ITGB6: variants seen among roughly 807,000 people sequenced by gnomAD.
The protein encoded by ITGB6 is integrin beta-6.
Under a neutral mutation model 84.5 loss-of-function variants are expected in ITGB6, and 80 were observed. That is an observed-to-expected ratio of 0.95 (90% CI 0.79 to 1.14). The LOEUF (loss-of-function observed/expected upper bound fraction) is 1.14. Ranked by LOEUF, ITGB6 falls within the 50% of genes most tolerant of loss-of-function variation. The pLI is 0.00. For synonymous variants in ITGB6, 383 were observed against 354.9 expected (o/e 1.08, Z -0.89); for missense variants, 1,006 against 968.0 (o/e 1.04, Z -0.52).
chr2:160,116,330 A>C (rs1479335204), intron 12 of ITGB6, among the ~76,000 whole-genome samples: 1 of 150,250 alleles, frequency 6.7e-6, no homozygotes, highest in Admixed American at 6.6e-5. Context: ...GAAACTCTAC[A>C]AGCCAGAAGA....
chr2:160,180,000 C>T (rs1271019900), intron 4 of ITGB6, among the ~76,000 whole-genome samples: 1 of 148,764 alleles, frequency 6.7e-6, no homozygotes, highest in Non-Finnish European at 1.5e-5. Context: ...GTAATCCCAG[C>T]TACTTGGGAG....
At chr2:160,194,652 C>A (rs141568835) in intron 4 of ITGB6, among the ~76,000 whole-genome samples, 1,719 of 152,200 alleles carry the variant, frequency 0.011, 36 homozygotes, top group Admixed American at 0.031. Flanking sequence ...ACCTTCCACA[C>A]GAGATCTGGC....
chr2:160,120,589 G>C (rs1682985956), intron 12 of ITGB6, among the ~76,000 whole-genome samples: 1 of 57,424 alleles, frequency 1.7e-5, no homozygotes, highest in Non-Finnish European at 3.6e-5. Context: ...AGTGGGTGCA[G>C]CGCACCAGCA....
At chr2:160,136,249 C>T (rs1348165661) in intron 10 of ITGB6, among the ~76,000 whole-genome samples, 1 of 152,166 alleles carries the variant, frequency 6.6e-6, no homozygotes, top group Non-Finnish European at 1.5e-5. Context: ...AGGATATGAA[C>T]AGACACTTCT....
intron 10 of ITGB6, among the ~76,000 whole-genome samples, chr2:160,131,175 T>A (rs935802325): frequency 2.8e-5 from 4 of 145,440 alleles, no homozygotes; most frequent in Admixed American, 2.2e-4. Flanking sequence ...GAGGGATAGA[T>A]CTTTCTGGAA....
intron 13 of ITGB6, among the ~76,000 whole-genome samples, chr2:160,110,061 C>A (rs1253234976): frequency 1.3e-5 from 2 of 152,152 alleles, no homozygotes; most frequent in East Asian, 3.8e-4. Flanking sequence ...GTTTGCCTAA[C>A]AGTTCTGTCG....
chr2:160,137,449 C>T lies in ITGB6; in HGVS notation c.1645G>A (p.Gly549Arg), dbSNP rs1239402477. 1.9e-6 allele frequency: 3 copies of T among 1,610,986 alleles called. No individual in the cohort carries two copies. The highest frequency in any genetic ancestry group is 1.1e-5 in the South Asian group (1 of 90,838). The change falls in exon 10 of 15, where the codon GGG becomes AGG. Residue 549 changes from glycine (G) to arginine (R), a missense_variant. Transcript: ENST00000283249. ...CDNFSCVRHK[G>R]LLCGGNGDCD... The stretch of plus-strand genomic sequence containing the variant: ...CATAGCCTACCTCCGCAGAGCAGCC[C>T]TTTGTGTCTCACGCAGGAGAAATTG...
chr2:160,101,543 A>G lies in ITGB6; in HGVS notation c.*193T>C. The G allele has an allele frequency of 5.3e-6, 3 of 562,618 alleles. No homozygotes were observed. Among genetic ancestry groups the G allele is most frequent in the Non-Finnish European group, 9.3e-6 (3 of 321,180 alleles). 34.9% of individuals were successfully genotyped at this position (562,618 alleles called of 1,614,324 possible). The stretch of plus-strand genomic sequence containing the variant: ...TGATCCCCAAAGTCATCTCTTTGCT[A>G]AGGATATTTCTCTTCTTGATTATTT... On this transcript the variant is annotated 3_prime_UTR_variant, in exon 15 of 15. Transcript: ENST00000283249.
intron 4 of ITGB6, among the ~76,000 whole-genome samples, chr2:160,186,981 G>C (rs888439187): frequency 1.3e-5 from 2 of 151,986 alleles, no homozygotes; most frequent in Non-Finnish European, 2.9e-5. Flanking sequence ...GGGAGGCTAG[G>C]GGGAGGGATA....
In ITGB6 at chr2:160,195,601, G is replaced by A. The variant is rs865813989; in HGVS notation, c.361C>T (p.Leu121=). The A allele has an allele frequency of 7.4e-6, 12 of 1,614,016 alleles. No individual in the cohort carries two copies. In the Middle Eastern group the frequency reaches 5.0e-4, roughly 67 times the overall value. ...TCAGTCTGGCGGACATGCACCTGCA[G>A]AGTCTGCGCACCACCTGCAAAGCCC... ...LKLRPGGAQT[L]QVHVRQTEDY... is the part of the protein sequence containing the mutation. Residue 121 remains leucine, a synonymous_variant, in exon 4 of 15, where the codon CTG becomes TTG. Coordinates refer to ENST00000283249, the MANE Select transcript of ITGB6 (RefSeq NM_000888.5).
intron 13 of ITGB6, among the ~76,000 whole-genome samples, chr2:160,111,599 G>GTTTTTTTT (rs35948673): frequency 1.5e-5 from 2 of 134,540 alleles, no homozygotes; most frequent in African/African-American, 2.8e-5. Context: ...CATCTTAGCT[G>GTTTTTTTT]TTTTTTTTTT....
At chr2:160,105,987 A>G (rs1341647144) in intron 14 of ITGB6, among the ~76,000 whole-genome samples, 1 of 152,194 alleles carries the variant, frequency 6.6e-6, no homozygotes, top group African/African-American at 2.4e-5. Flanking sequence ...CATCGCTCAG[A>G]TTCCACAGTT....
intron 4 of ITGB6, among the ~76,000 whole-genome samples, chr2:160,190,644 T>G (rs1686107596): frequency 1.3e-5 from 2 of 152,164 alleles, no homozygotes; most frequent in African/African-American, 2.4e-5. Context: ...CTCAGTAAAT[T>G]TTTGTTGAAC....
chr2:160,110,212 A>G (rs531333583), intron 13 of ITGB6, among the ~76,000 whole-genome samples: 45 of 152,270 alleles, frequency 3.0e-4, no homozygotes, highest in African/African-American at 9.6e-4. Flanking sequence ...TCTGGCACGT[A>G]ATTACTGCCA....
chr2:160,124,691 A>G (rs182454309), intron 11 of ITGB6, among the ~76,000 whole-genome samples: 1 of 152,278 alleles, frequency 6.6e-6, no homozygotes, highest in East Asian at 1.9e-4. Flanking sequence ...TCCTCTGGCC[A>G]TGGAAATGTA....
intron 7 of ITGB6, among the ~76,000 whole-genome samples, chr2:160,157,984 T>C (rs938141803): frequency 6.6e-6 from 1 of 152,116 alleles, no homozygotes; most frequent in African/African-American, 2.4e-5. Flanking sequence ...TATCAGTAAA[T>C]GCAGGGCTTC....
intron 4 of ITGB6, among the ~76,000 whole-genome samples, chr2:160,188,611 T>TG (rs1473447206): frequency 6.6e-6 from 1 of 152,014 alleles, no homozygotes; most frequent in Non-Finnish European, 1.5e-5. Flanking sequence ...CAATTCTTTT[T>TG]TTTTTTTTGT....
intron 13 of ITGB6, among the ~76,000 whole-genome samples, chr2:160,108,904 T>C (rs1697012514): frequency 6.6e-6 from 1 of 152,212 alleles, no homozygotes; most frequent in Non-Finnish European, 1.5e-5. Context: ...CATTTCTTAA[T>C]GAAACATTAT....
rs1696722933 is a variant in ITGB6 at position 160,101,631 on chromosome 2, T to C, written c.*105A>G. 2.8e-6 allele frequency: 2 copies of C among 715,248 alleles called. No homozygotes were observed. The highest frequency in any genetic ancestry group is 4.6e-5 in the Admixed American group (2 of 43,436). The allele number at this position is 715,248 out of a possible 1,614,324, so 44.3% of individuals were successfully genotyped here. On this transcript the variant is annotated 3_prime_UTR_variant, in exon 15 of 15. Transcript: ENST00000283249. Reference sequence around the variant, plus strand: ...TGACTTATCTGCAGATGTCCTATTATTATCTTAAACCAACCTCATTTTGAA... The same window carrying C: ...TGACTTATCTGCAGATGTCCTATTACTATCTTAAACCAACCTCATTTTGAA...
Sources: allele counts gnomAD v4.1 joint callset (sites outside exome capture counted in the v4.1 genomes callset), GRCh38; gene constraint gnomAD v4.1.1; transcripts MANE v1.5; gene names NCBI Gene and HGNC (gene_info 2026-07-23, HGNC 2026-07-21).